Variants in PACRG observed in about 807,000 individuals in gnomAD.
PACRG encodes parkin coregulated.
In PACRG, 29 loss-of-function variants were observed where a neutral mutation model predicts 29.7. The ratio of observed to expected loss-of-function variants is 0.98; its 90% CI spans 0.73 to 1.33. The LOEUF is 1.33. Among genes scored for constraint, PACRG ranks in the 40% most tolerant of loss-of-function variants. PACRG has a pLI of 0.00. For missense variants in PACRG, 279 were observed against 316.2 expected (o/e 0.88, Z 0.89); for synonymous variants, 116 against 118.7 (o/e 0.98, Z 0.15).
At chr6:162,793,794 G>C (rs1378375818) in intron 1 of PACRG, among the ~76,000 whole-genome samples, 1 of 152,100 alleles carries the variant, frequency 6.6e-6, no homozygotes, top group Non-Finnish European at 1.5e-5. Flanking sequence ...GTCTGATTAC[G>C]CAGAGAAGGG....
At chr6:163,105,569 G>C (rs1045913786) in intron 4 of PACRG, among the ~76,000 whole-genome samples, 3 of 152,042 alleles carry the variant, frequency 2.0e-5, no homozygotes, top group African/African-American at 7.2e-5. Context: ...AGTGGCTATC[G>C]ATATAGTTAA....
intron 2 of PACRG, among the ~76,000 whole-genome samples, chr6:163,013,488 A>G (rs923938880): frequency 1.5e-4 from 22 of 150,666 alleles, no homozygotes; most frequent in African/African-American, 5.3e-4. Flanking sequence ...CTGTTCGACA[A>G]TGTGGATTGT....
chr6:163,061,153 A>T, intron 2 of PACRG, among the ~76,000 whole-genome samples: 1 of 152,114 alleles, frequency 6.6e-6, no homozygotes, highest in South Asian at 2.1e-4. Context: ...AACCAAGGAA[A>T]TTATCACCTC....
Position 162,973,300 on chromosome 6 carries a change from A to C in PACRG, c.292-88850A>C, listed in dbSNP as rs771311619. Among the ~76,000 whole-genome samples the C allele has an allele frequency of 5.9e-5, 9 of 152,220 alleles. 1 individual carries two copies. The highest frequency in any genetic ancestry group is 9.6e-5 in the African/African-American group (4 of 41,460). On this transcript the variant is annotated intron_variant, in intron 2 of 4. Transcript: ENST00000366888. ...AAATTAGTAAAAGGCGGTTTGCCCT[A>C]ACCAGTTCACACTGCTGACTTGAAA...
chr6:162,776,597 G>T (rs554491270), intron 1 of PACRG, among the ~76,000 whole-genome samples: 1 of 152,316 alleles, frequency 6.6e-6, no homozygotes, highest in East Asian at 1.9e-4. Context: ...CTCAACATCA[G>T]AATTGAAAGG....
At chr6:163,071,951 C>T (rs1435916399) in intron 3 of PACRG, among the ~76,000 whole-genome samples, 5 of 151,658 alleles carry the variant, frequency 3.3e-5, no homozygotes, top group Admixed American at 6.6e-5. Context: ...AGTCTCCCAG[C>T]AAAGAAAATC....
chr6:162,894,737 A>G (rs1029417867), intron 2 of PACRG, among the ~76,000 whole-genome samples: 2 of 152,218 alleles, frequency 1.3e-5, no homozygotes, highest in Admixed American at 1.3e-4. Flanking sequence ...CTTTCTGTTC[A>G]TTGCTGTGTG....
rs572390787 is a variant in PACRG at position 163,236,987 on chromosome 6, C to T, written c.614-77840C>T. Among the ~76,000 whole-genome samples, 17 of 152,244 alleles carry T rather than the reference C, an allele frequency of 1.1e-4. 1 individual carries two copies. The South Asian group carries it at 3.1e-3, about 28-fold the overall frequency. The stretch of plus-strand genomic sequence containing the variant: ...TCATGAGAACTCACTATCATGAGAA[C>T]AGCAAGGGGAAAGTTCCGCCCCCAT... On this transcript the variant is annotated intron_variant, in intron 4 of 4. Coordinates refer to ENST00000366888, the MANE Select transcript of PACRG (RefSeq NM_001080379.2).
intron 4 of PACRG, among the ~76,000 whole-genome samples, chr6:163,265,118 G>T (rs528221103): frequency 1.3e-5 from 2 of 152,156 alleles, no homozygotes; most frequent in African/African-American, 2.4e-5. Context: ...GTGAATGAAC[G>T]CATGCATGAA....
intron 2 of PACRG, among the ~76,000 whole-genome samples, chr6:162,921,294 G>C (rs570632608): frequency 2.0e-5 from 3 of 152,184 alleles, no homozygotes; most frequent in African/African-American, 7.2e-5. Flanking sequence ...AGTGAGGGCC[G>C]CCAGGTGGTG....
chr6:162,762,600 A>G lies in PACRG; in HGVS notation c.156+34209A>G, dbSNP rs75520195. On this transcript the variant is annotated intron_variant, in intron 1 of 4. Transcript: ENST00000366888. ...AAAAAGGCTTTAGAAAACGATGTCT[A>G]TTTTGGTCATAACAGCACTTAATAT... Among the ~76,000 whole-genome samples, 13 of 152,290 alleles carry G rather than the reference A, an allele frequency of 8.5e-5. No homozygotes were observed. In the East Asian group the frequency reaches 2.5e-3, roughly 29 times the overall value.
At chr6:163,225,646 A>T (rs886188160) in intron 4 of PACRG, among the ~76,000 whole-genome samples, 3 of 152,344 alleles carry the variant, frequency 2.0e-5, no homozygotes, top group Non-Finnish European at 2.9e-5. Flanking sequence ...GGAAAACAGT[A>T]TGGAGGTTCC....
At chr6:162,930,585 T>C (rs1797776964) in intron 2 of PACRG, among the ~76,000 whole-genome samples, 1 of 151,988 alleles carries the variant, frequency 6.6e-6, no homozygotes, top group Non-Finnish European at 1.5e-5. Context: ...CCTTTGTTTA[T>C]TTCTCTTACC....
intron 4 of PACRG, among the ~76,000 whole-genome samples, chr6:163,244,566 C>G (rs568496532): frequency 2.2e-4 from 33 of 152,154 alleles, no homozygotes; most frequent in Admixed American, 5.9e-4. Flanking sequence ...CTACAAGGCC[C>G]CAGCCCATCA....
intron 2 of PACRG, among the ~76,000 whole-genome samples, chr6:163,049,240 A>G (rs1180900877): frequency 6.6e-6 from 1 of 152,124 alleles, no homozygotes; most frequent in South Asian, 2.1e-4. Flanking sequence ...TAAATCTCCA[A>G]TCACTGGAGA....
chr6:163,092,851 C>G (rs1408406227), intron 4 of PACRG, among the ~76,000 whole-genome samples: 2 of 152,110 alleles, frequency 1.3e-5, no homozygotes, highest in African/African-American at 4.8e-5. Flanking sequence ...ATATCATGCT[C>G]TATGAATTAT....
chr6:162,970,673 C>T (rs1801453207), intron 2 of PACRG, among the ~76,000 whole-genome samples: 1 of 152,224 alleles, frequency 6.6e-6, no homozygotes, highest in African/African-American at 2.4e-5. Flanking sequence ...GTTGTATCTT[C>T]ACAGCCCTTT....
chr6:163,267,950 T>A (rs533500073), intron 4 of PACRG, among the ~76,000 whole-genome samples: 2 of 152,214 alleles, frequency 1.3e-5, no homozygotes, highest in Non-Finnish European at 2.9e-5. Context: ...AATTTATAAC[T>A]AACAGATAAG....
intron 4 of PACRG, among the ~76,000 whole-genome samples, chr6:163,236,998 A>T (rs1782266666): frequency 1.3e-5 from 2 of 152,122 alleles, no homozygotes; most frequent in Admixed American, 6.5e-5. Context: ...AGCAAGGGGA[A>T]AGTTCCGCCC....
Sources: allele counts gnomAD v4.1 joint callset (sites outside exome capture counted in the v4.1 genomes callset), GRCh38; gene constraint gnomAD v4.1.1; transcripts MANE v1.5; gene names NCBI Gene and HGNC (gene_info 2026-07-23, HGNC 2026-07-21).